PDE8B: variants seen among roughly 807,000 people sequenced by gnomAD.
The protein encoded by PDE8B is high affinity cAMP-specific and IBMX-insensitive 3',5'-cyclic phosphodiesterase 8B.
Under a neutral mutation model 101.3 loss-of-function variants are expected in PDE8B, and 26 were observed. That is an observed-to-expected ratio of 0.26 (90% CI 0.19 to 0.36). The LOEUF is 0.36. PDE8B is among the 10% of genes least tolerant of loss of function. The pLI is 1.00. For synonymous variants in PDE8B, 424 were observed against 429.3 expected (o/e 0.99, Z 0.15); for missense variants, 810 against 1,163.1 (o/e 0.70, Z 4.42).
At chr5:77,416,619 G>C (rs1795616365) in intron 17 of PDE8B, among the ~76,000 whole-genome samples, 1 of 152,226 alleles carries the variant, frequency 6.6e-6, no homozygotes, top group Non-Finnish European at 1.5e-5. Flanking sequence ...GGTCACCCCA[G>C]GGTTGCTCAC....
the PDE8B span, among the ~76,000 whole-genome samples, chr5:77,160,853 A>G: frequency 2.6e-5 from 4 of 151,200 alleles, no homozygotes; most frequent in Admixed American, 1.3e-4. Flanking sequence ...GGGTCTCCCT[A>G]TGTTGCCCAG....
At chr5:77,262,154 C>G (rs142955569) in intron 1 of PDE8B, among the ~76,000 whole-genome samples, 65 of 151,644 alleles carry the variant, frequency 4.3e-4, no homozygotes, top group African/African-American at 1.5e-3. Context: ...AAAGATCCTG[C>G]GTATGGGAAC....
At chr5:77,164,879 C>A in the PDE8B span, among the ~76,000 whole-genome samples, 1 of 152,160 alleles carries the variant, frequency 6.6e-6, no homozygotes, top group South Asian at 2.1e-4. Context: ...GGAAGTTCTG[C>A]ATTTCTGTCT....
rs893629710 is a variant in PDE8B at position 77,211,066 on chromosome 5, C to T, written c.141C>T (p.Thr47=). 1.3e-6 allele frequency: 2 copies of T among 1,508,318 alleles called. No individual in the cohort carries two copies. The highest frequency in any genetic ancestry group is 1.8e-6 in the Non-Finnish European group (2 of 1,136,742). 93.4% of individuals were successfully genotyped at this position (1,508,318 alleles called of 1,614,324 possible). A position where few individuals can be genotyped will look rare whatever the true frequency, so the allele number is the denominator to read the frequency against. Residue 47 remains threonine, a synonymous_variant, in exon 1 of 22, where the codon ACC becomes ACT. Transcript: ENST00000264917. The surrounding 1 kb of genome is among the most constrained non-coding windows in gnomAD (Gnocchi z 4.1). ...CCCTGCCCGGCCTCTTCGTCCAGAC[C>T]GACGCCGCCGACGCCATCCCCCCGA... ...AAPLPGLFVQ[T]DAADAIPPSR...
At chr5:77,148,381 TG>T in the PDE8B span, 5 of 152,228 alleles carry the variant, frequency 3.3e-5, no homozygotes, top group Non-Finnish European at 7.3e-5. Context: ...TTCTTTCTCT[TG>T]GGTAGGTTCC....
chr5:77,126,446 G>T, the PDE8B span, among the ~76,000 whole-genome samples: 2 of 152,012 alleles, frequency 1.3e-5, no homozygotes, highest in African/African-American at 4.8e-5. Context: ...TTTTTTTTGA[G>T]ACAGGGTCTC....
chr5:77,305,451 C>G (rs1362253076), intron 1 of PDE8B, among the ~76,000 whole-genome samples: 1 of 152,174 alleles, frequency 6.6e-6, no homozygotes, highest in Non-Finnish European at 1.5e-5. Flanking sequence ...CGCCAGCCAG[C>G]AGGGCCCACA....
chr5:77,149,271 GCT>G, the PDE8B span, among the ~76,000 whole-genome samples: 2 of 152,162 alleles, frequency 1.3e-5, no homozygotes, highest in African/African-American at 4.8e-5. Flanking sequence ...TATTCATGTG[GCT>G]TTGTAGTAAA....
chr5:77,149,011 G>A, the PDE8B span, among the ~76,000 whole-genome samples: 1 of 152,038 alleles, frequency 6.6e-6, no homozygotes, highest in East Asian at 1.9e-4. Context: ...TTCTATATAG[G>A]CCTGTGATCC....
In PDE8B at chr5:77,421,992, C is replaced by T. The variant is rs377006095; in HGVS notation, c.2418+4C>T. On this transcript the variant is annotated splice_donor_region_variant and intron_variant, in intron 20 of 21. Transcript: ENST00000264917. ...CTCTGAGGAGTATTTTGCACAGGTG[C>T]GCCATCTTTCCAGGGAAGCTCCACT... is the stretch of plus-strand genomic sequence containing the variant. 73 of 1,613,332 alleles carry T rather than the reference C, an allele frequency of 4.5e-5. No individual in the cohort carries two copies. In the Middle Eastern group the frequency reaches 8.3e-4, roughly 18 times the overall value.
chr5:77,343,751 TA>T (rs1779634386), intron 6 of PDE8B, among the ~76,000 whole-genome samples: 1 of 152,220 alleles, frequency 6.6e-6, no homozygotes, highest in African/African-American at 2.4e-5. Context: ...TAAACCTTTA[TA>T]TTTTTAAACT....
At chr5:77,245,074 C>T (rs1756579550) in intron 1 of PDE8B, among the ~76,000 whole-genome samples, 1 of 152,136 alleles carries the variant, frequency 6.6e-6, no homozygotes, top group African/African-American at 2.4e-5. Context: ...ATATTCCTTA[C>T]ATTGTTTTTT....
chr5:77,115,461 TA>T, the PDE8B span: 1 of 152,200 alleles, frequency 6.6e-6, no homozygotes, highest in African/African-American at 2.4e-5. Flanking sequence ...AGAGGGGACA[TA>T]TGGTCCAGGC....
chr5:77,211,291 G>A lies in PDE8B; in HGVS notation c.339+27G>A, dbSNP rs1580332820. 3.9e-6 allele frequency: 6 copies of A among 1,526,920 alleles called. No homozygotes were observed. In the East Asian group the frequency reaches 1.3e-4, roughly 32 times the overall value. The allele number at this position is 1,526,920 out of a possible 1,614,324, so 94.6% of individuals were successfully genotyped here. ...TAAATGCCCCGCGCTGGCACACGCC[G>A]TGGGGGCCGTCCGCCCCGTCGGCGG... On this transcript the variant is annotated intron_variant, in intron 1 of 21. Transcript: ENST00000264917. The surrounding 1 kb of genome is among the most constrained non-coding windows in gnomAD (Gnocchi z 4.1).
chr5:77,134,033 G>C, the PDE8B span, among the ~76,000 whole-genome samples: 1 of 152,186 alleles, frequency 6.6e-6, no homozygotes, highest in African/African-American at 2.4e-5. Context: ...CCGATCTGTA[G>C]TCATGGAAGC....
chr5:77,292,732 G>T (rs1380897695), intron 1 of PDE8B, among the ~76,000 whole-genome samples: 1 of 151,990 alleles, frequency 6.6e-6, no homozygotes, highest in Non-Finnish European at 1.5e-5. Flanking sequence ...TTTTATTATT[G>T]TCTTAGTAGA....
chr5:77,371,466 G>C (rs531053048), intron 10 of PDE8B, among the ~76,000 whole-genome samples: 1 of 152,172 alleles, frequency 6.6e-6, no homozygotes, highest in South Asian at 2.1e-4. Flanking sequence ...TTGATCTATT[G>C]GTCAATCTAC....
chr5:77,246,852 G>C (rs997281602), intron 1 of PDE8B: 3 of 152,118 alleles, frequency 2.0e-5, no homozygotes, highest in African/African-American at 4.8e-5. Context: ...TGTTGGGTAA[G>C]AGTTCTTCAG....
upstream of PDE8B, among the ~76,000 whole-genome samples, chr5:77,207,450 T>A (rs73135232): frequency 6.6e-6 from 1 of 152,248 alleles, no homozygotes; most frequent in Non-Finnish European, 1.5e-5. Context: ...AGGTTTTGTT[T>A]TACAATATGT....
Sources: gnomAD v4.1 joint callset for allele counts (sites outside exome capture counted in the v4.1 genomes callset) on GRCh38, gnomAD v4.1.1 for gene constraint, Gnocchi (gnomAD v3.1) non-coding constraint, MANE v1.5 for transcripts, NCBI Gene and HGNC (gene_info 2026-07-23, HGNC 2026-07-21) for gene names.